PRCP: variants seen among roughly 807,000 people sequenced by gnomAD.
PRCP encodes prolylcarboxypeptidase.
Under a neutral mutation model 54.2 loss-of-function variants are expected in PRCP, and 46 were observed. The observed-to-expected ratio is 0.85, with a 90% confidence interval of 0.67 to 1.09. The LOEUF is 1.09. PRCP is among the 50% of genes least tolerant of loss of function. The probability of loss-of-function intolerance (pLI) is 0.00; values close to 1 mark genes in which losing one functional copy is unlikely to be tolerated. For synonymous variants in PRCP, 240 were observed against 212.2 expected, an observed-to-expected ratio of 1.13 and a Z score of -1.14; for missense variants, 613 against 596.8, an observed-to-expected ratio of 1.03 and a Z score of -0.28.
At chr11:82,877,244 G>A (rs1455441075) in intron 1 of PRCP, among the ~76,000 whole-genome samples, 4 of 152,184 alleles carry the variant, frequency 2.6e-5, no homozygotes, top group Non-Finnish European at 5.9e-5. Context: ...TTTTAAAAGG[G>A]AAACAGCATA....
At chr11:82,897,266 A>G (rs751740173) in intron 1 of PRCP, among the ~76,000 whole-genome samples, 13 of 152,246 alleles carry the variant, frequency 8.5e-5, no homozygotes, top group Non-Finnish European at 1.6e-4. Flanking sequence ...AATAATTAGT[A>G]AAGAATTAAA....
At chr11:82,838,716 C>T in intron 7 of PRCP, 142 bp from the exon 8 acceptor site, 5 of 701,854 alleles carry the variant, frequency 7.1e-6, no homozygotes, top group Non-Finnish European at 8.9e-6. Flanking sequence ...CTGTTCTTTA[C>T]TTCTGCGCCA....
At chr11:82,894,250 A>G (rs1350100624) in intron 1 of PRCP, among the ~76,000 whole-genome samples, 1 of 152,202 alleles carries the variant, frequency 6.6e-6, no homozygotes, top group Non-Finnish European at 1.5e-5. Context: ...GTTTTATTAT[A>G]TTATAATATA....
intron 1 of PRCP, among the ~76,000 whole-genome samples, chr11:82,862,774 A>C (rs995474802): frequency 2.0e-5 from 3 of 152,202 alleles, no homozygotes; most frequent in Non-Finnish European, 4.4e-5. Flanking sequence ...TGTAATAATG[A>C]TGTCCATGTG....
At chr11:82,890,840 T>C (rs914588612) in intron 1 of PRCP, among the ~76,000 whole-genome samples, 6 of 152,240 alleles carry the variant, frequency 3.9e-5, no homozygotes, top group African/African-American at 7.2e-5. Flanking sequence ...AAATGCTTTT[T>C]TCATTAAGTA....
Position 82,853,216 on chromosome 11 carries a change from G to C in PRCP, c.372C>G (p.Tyr124Ter). 1.2e-6 allele frequency: 2 copies of C among 1,612,716 alleles called. No individual in the cohort carries two copies. Among genetic ancestry groups the C allele is most frequent in the Non-Finnish European group, 1.7e-6 (2 of 1,179,122 alleles). ...KAMLVFAEHR[Y>*]YGESLPFGDN... ...CACCAAAGGGGAGAGACTCTCCATAGTATCGATGTTCAGCAAACACCAACA... is the reference window on the plus strand; with the variant it reads ...CACCAAAGGGGAGAGACTCTCCATACTATCGATGTTCAGCAAACACCAACA... Residue 124 changes from tyrosine to a stop codon, truncating the protein, a stop_gained, in exon 3 of 9, where the codon TAC becomes TAG. Transcript: ENST00000313010. LOFTEE classifies it high-confidence loss of function.
At chr11:82,857,563 G>A (rs1409955772) in intron 2 of PRCP, among the ~76,000 whole-genome samples, 1 of 152,150 alleles carries the variant, frequency 6.6e-6, no homozygotes, top group East Asian at 1.9e-4. Flanking sequence ...TGTTCTCAAC[G>A]AAGCATTCTA....
intron 2 of PRCP, among the ~76,000 whole-genome samples, chr11:82,853,932 A>T (rs190820618): frequency 6.6e-4 from 101 of 152,368 alleles, no homozygotes; most frequent in African/African-American, 2.3e-3. Flanking sequence ...GATGCAGAAA[A>T]TGTATTCGAC....
At chr11:82,869,355 CAAAAAA>C (rs36024787) in intron 1 of PRCP, among the ~76,000 whole-genome samples, 5 of 80,484 alleles carry the variant, frequency 6.2e-5, no homozygotes, top group African/African-American at 2.7e-4. Flanking sequence ...GACTCCATCT[CAAAAAA>C]AAAAAAAAAG....
intron 7 of PRCP, 49 bp from the exon 8 acceptor site, chr11:82,838,623 G>A (rs774660430): frequency 1.3e-6 from 2 of 1,551,184 alleles, no homozygotes; most frequent in South Asian, 2.4e-5. Context: ...GAGGCAAAAA[G>A]AGGTTAAATA....
intron 1 of PRCP, among the ~76,000 whole-genome samples, chr11:82,894,818 GAGA>G (rs1301579657): frequency 1.3e-5 from 2 of 152,274 alleles, no homozygotes; most frequent in South Asian, 4.1e-4. Flanking sequence ...TTGTTATCAA[GAGA>G]AGAAGGTACT....
chr11:82,846,702 T>A (rs1247590354), intron 6 of PRCP, among the ~76,000 whole-genome samples: 1 of 152,128 alleles, frequency 6.6e-6, no homozygotes, highest in Non-Finnish European at 1.5e-5. Flanking sequence ...CAAAACTAGA[T>A]GACAAAATAT....
At chr11:82,900,537 C>A, upstream of PRCP, 1 of 1,270,636 alleles carries the variant, frequency 7.9e-7, no homozygotes, top group South Asian at 1.3e-5. Flanking sequence ...CAAAGCCAGC[C>A]AGCTCCTCAG....
At chr11:82,880,546 C>T (rs1027053256) in intron 1 of PRCP, among the ~76,000 whole-genome samples, 1 of 152,212 alleles carries the variant, frequency 6.6e-6, no homozygotes, top group Non-Finnish European at 1.5e-5. Context: ...TGACAAGCTC[C>T]AGTGAGAAGA....
chr11:82,890,428 T>C (rs1859977999), intron 1 of PRCP, among the ~76,000 whole-genome samples: 1 of 152,282 alleles, frequency 6.6e-6, no homozygotes, highest in Admixed American at 6.5e-5. Context: ...GGTCAAACTG[T>C]TCATGCTCTT....
Position 82,864,840 on chromosome 11 carries a change from T to C in PRCP, c.169-4723A>G, listed in dbSNP as rs77990149. Among the ~76,000 whole-genome samples the C allele has an allele frequency of 5.1e-3, 770 of 152,282 alleles. 13 individuals are homozygous for C. Among genetic ancestry groups the C allele is most frequent in the African/African-American group, 0.017 (721 of 41,542 alleles). On this transcript the variant is annotated intron_variant, in intron 1 of 8. Coordinates refer to ENST00000313010, the MANE Select transcript of PRCP (RefSeq NM_005040.4). ...GGGTAGGCAAGAAGAAAAGAGACCA[T>C]CCTTTAAATGATGTTTATTGTATAA...
At chr11:82,894,868 T>TC (rs1860082656) in intron 1 of PRCP, among the ~76,000 whole-genome samples, 2 of 152,036 alleles carry the variant, frequency 1.3e-5, no homozygotes, top group Admixed American at 1.3e-4. Context: ...TTACCATATT[T>TC]CCCCCCAACA....
At chr11:82,884,049 G>T (rs1439875069) in intron 1 of PRCP, among the ~76,000 whole-genome samples, 2 of 152,152 alleles carry the variant, frequency 1.3e-5, no homozygotes, top group Non-Finnish European at 2.9e-5. Flanking sequence ...AGAGATTTCC[G>T]ACAGTTTTAA....
intron 1 of PRCP, among the ~76,000 whole-genome samples, chr11:82,866,196 A>T (rs1859331006): frequency 6.6e-6 from 1 of 152,244 alleles, no homozygotes. Context: ...TGACTTAAAG[A>T]ATTAAAGAGG....
Sources: gnomAD v4.1 joint callset for allele counts (sites outside exome capture counted in the v4.1 genomes callset) on GRCh38, gnomAD v4.1.1 for gene constraint, MANE v1.5 for transcripts, NCBI Gene and HGNC (gene_info 2026-07-23, HGNC 2026-07-21) for gene names.